The following RFX7 variants were observed in gnomAD, a reference collection of about 807,000 sequenced individuals.
RFX7 encodes regulatory factor X7, also known as DNA-binding protein RFX7.
Under a neutral mutation model 111.8 loss-of-function variants are expected in RFX7, and 26 were observed. The observed-to-expected ratio is 0.23, with a 90% CI of 0.17 to 0.32. RFX7 has a LOEUF of 0.32. Ranked by LOEUF, RFX7 falls within the 10% of genes least tolerant of loss-of-function variation. The pLI is 1.00. For synonymous variants in RFX7, 624 were observed against 624.4 expected (o/e 1.00, Z 0.01); for missense variants, 1,573 against 1,772.9 (o/e 0.89, Z 2.02).
In RFX7 at chr15:56,094,586, G is replaced by T. The variant is rs766416598; in HGVS notation, c.3142C>A (p.Pro1048Thr). 6.2e-7 allele frequency: 1 copy of T among 1,613,784 alleles called. No homozygotes were observed. The highest frequency in any genetic ancestry group is 1.3e-5 in the African/African-American group (1 of 74,892). The change falls in exon 10 of 10, where the codon CCG (proline) becomes ACG (threonine). Residue 1048 changes from proline (P) to threonine (T), a missense_variant. Around this residue, in one of 7 missense-constraint regions of RFX7, gnomAD observed 32 missense variants for 67.7 expected, o/e 0.47. Transcript: ENST00000559447. The part of the protein sequence containing the change: ...ASIVSSSPVK[P>T]MQRPMATHPD... ...TGTGTGGCCATGGGTCTTTGCATCG[G>T]TTTCACAGGACTACTTGAGACAATG...
chr15:56,193,935 A>G (rs567882282), intron 2 of RFX7, among the ~76,000 whole-genome samples: 3 of 152,218 alleles, frequency 2.0e-5, no homozygotes, highest in Admixed American at 1.3e-4. Flanking sequence ...TCACAAAGAA[A>G]TGTCACAAAA....
chr15:56,235,717 C>T (rs2043615797), intron 2 of RFX7, among the ~76,000 whole-genome samples: 2 of 152,128 alleles, frequency 1.3e-5, no homozygotes, highest in African/African-American at 4.8e-5. Flanking sequence ...ACTTCTTATT[C>T]CCATGCCCTT....
In RFX7 at chr15:56,107,679, C is replaced by G. The variant is rs555505472; in HGVS notation, c.402-4009G>C. ...TTAAACATATTTTATAGATGAGGAA[C>G]TTGCACAGAGAGGTGCACTAATCCC... On this transcript the variant is annotated intron_variant, in intron 5 of 9. Transcript: ENST00000559447. 2.0e-5 allele frequency among the ~76,000 whole-genome samples: 3 copies of G among 152,270 alleles called. No individual in the cohort carries two copies. In the East Asian group the frequency reaches 5.8e-4, roughly 29 times the overall value.
At chr15:56,199,473 G>T (rs1239843144) in intron 2 of RFX7, among the ~76,000 whole-genome samples, 1 of 152,126 alleles carries the variant, frequency 6.6e-6, no homozygotes, top group African/African-American at 2.4e-5. Context: ...TGAACAAATT[G>T]TGCTGCTCTC....
intron 2 of RFX7, among the ~76,000 whole-genome samples, chr15:56,230,695 G>A (rs763480397): frequency 6.6e-6 from 1 of 152,180 alleles, no homozygotes; most frequent in East Asian, 1.9e-4. Flanking sequence ...GTGATAAATT[G>A]TACAGAACTC....
At chr15:56,218,139 ATTTTCTTTTTT>A (rs2043382823) in intron 2 of RFX7, among the ~76,000 whole-genome samples, 1 of 51,944 alleles carries the variant, frequency 1.9e-5, no homozygotes, top group African/African-American at 9.0e-5. Context: ...TTTAGAAATG[ATTTTCTTTTTT>A]TTTTTTTTTT....
In RFX7 at chr15:56,132,653, A is replaced by C. The variant is rs900424609; in HGVS notation, c.401+10125T>G. ...TGGAGTTTTTTCTAAGCATAATAGT[A>C]ATGTTACAAGCTGTGACAAAAGTGT... On this transcript the variant is annotated intron_variant, in intron 5 of 9. Coordinates refer to ENST00000559447, the MANE Select transcript of RFX7 (RefSeq NM_022841.7). 6.6e-5 allele frequency among the ~76,000 whole-genome samples: 10 copies of C among 152,230 alleles called. No homozygotes were observed. The East Asian group carries it at 1.9e-3, about 29-fold the overall frequency.
At chr15:56,244,957 C>G (rs1174804465), upstream of RFX7, among the ~76,000 whole-genome samples, 4 of 152,202 alleles carry the variant, frequency 2.6e-5, no homozygotes, top group African/African-American at 9.6e-5. Flanking sequence ...GCCAAGGCCT[C>G]TGGCACCAAA....
At position 56,094,973 on chromosome 15, in the gene RFX7, C is replaced by A. The variant is rs775631642; in HGVS notation, c.2755G>T (p.Val919Leu). ...CLGMTLQSQSVTPGAPMSSHT... is the reference protein window; with the variant it reads ...CLGMTLQSQSLTPGAPMSSHT... ...GATGACATTGGAGCTCCTGGAGTTA[C>A]TGACTGACTCTGAAGGGTCATTCCC... The change falls in exon 10 of 10, where the codon GTA (valine) becomes TTA (leucine). Residue 919 changes from valine (V) to leucine (L), a missense_variant. Transcript: ENST00000559447. The A allele has an allele frequency of 1.4e-5, 23 of 1,607,828 alleles. No individual in the cohort carries two copies. The highest frequency in any genetic ancestry group is 1.9e-5 in the Non-Finnish European group (22 of 1,176,906).
In RFX7 at chr15:56,094,163, G is replaced by T. The variant is rs776089803; in HGVS notation, c.3565C>A (p.Pro1189Thr). 1 of 1,613,794 alleles carries T rather than the reference G, an allele frequency of 6.2e-7. No individual in the cohort carries two copies. Among genetic ancestry groups the T allele is most frequent in the Non-Finnish European group, 8.5e-7 (1 of 1,179,874 alleles). Residue 1189 changes from proline to threonine, a missense_variant, in exon 10 of 10, where the codon CCA becomes ACA. Pro to Thr is a conservative substitution (Grantham distance 38, BLOSUM62 -1). Transcript: ENST00000559447. The part of the protein sequence containing the change: ...GSTLYPVSNI[P>T]RSNVTPFGSP... Reference sequence around the variant, plus strand: ...CCAAAGGGGGTCACATTAGATCGTGGGATATTAGATACTGGATAGAGGGTG... The same window carrying T: ...CCAAAGGGGGTCACATTAGATCGTGTGATATTAGATACTGGATAGAGGGTG...
At chr15:56,205,578 C>T (rs1340354307) in intron 2 of RFX7, among the ~76,000 whole-genome samples, 1 of 152,176 alleles carries the variant, frequency 6.6e-6, no homozygotes, top group African/African-American at 2.4e-5. Context: ...GATGTTTTCA[C>T]TAGAGATTTC....
chr15:56,213,913 T>C (rs1394050055), intron 2 of RFX7, among the ~76,000 whole-genome samples: 1 of 152,240 alleles, frequency 6.6e-6, no homozygotes, highest in Non-Finnish European at 1.5e-5. Flanking sequence ...ACAATCTTTG[T>C]CACCTACAAT....
rs995166149 is a variant in RFX7, at chr15:56,090,162, A to C, written c.*3183T>G. ...AAATGTCTATACTGCTTTTGAACAC[A>C]GCTATGCTTAAAATTTTCTCATTTT... On this transcript the variant is annotated 3_prime_UTR_variant, in exon 10 of 10. Transcript: ENST00000559447. 6.6e-6 allele frequency: 1 copy of C among 152,218 alleles called. No individual in the cohort carries two copies. The highest frequency in any genetic ancestry group is 1.5e-5 in the Non-Finnish European group (1 of 68,024). 9.4% of individuals were successfully genotyped at this position (152,218 alleles called of 1,614,324 possible). A position where few individuals can be genotyped will look rare whatever the true frequency, so the allele number is the denominator to read the frequency against.
At chr15:56,125,602 T>TGTGTGA (rs1358572195) in intron 5 of RFX7, among the ~76,000 whole-genome samples, 7 of 89,312 alleles carry the variant, frequency 7.8e-5, no homozygotes, top group African/African-American at 2.9e-4. Context: ...GTTTCTTCTG[T>TGTGTGA]GTGTGTGAGT....
At position 56,089,454 on chromosome 15, in the gene RFX7, A is replaced by AAAGT. The variant is rs1215231525; in HGVS notation, c.*3887_*3890dup. 2.6e-5 allele frequency: 4 copies of AAAGT among 152,344 alleles called. No homozygotes were observed. The highest frequency in any genetic ancestry group is 5.9e-5 in the Non-Finnish European group (4 of 68,014). 9.4% of individuals were successfully genotyped at this position (152,344 alleles called of 1,614,324 possible). A position where few individuals can be genotyped will look rare whatever the true frequency, so the allele number is the denominator to read the frequency against. On this transcript the variant is annotated 3_prime_UTR_variant, in exon 10 of 10. Coordinates refer to ENST00000559447, the MANE Select transcript of RFX7 (RefSeq NM_022841.7). ...TCCTATCTCCACTATTATTAAGCTA[A>AAAGT]AAGTAAGTGTCCTTATGGTTTAAGC... is the stretch of plus-strand genomic sequence containing the variant.
intron 2 of RFX7, among the ~76,000 whole-genome samples, chr15:56,214,070 T>G (rs1012058197): frequency 1.5e-4 from 23 of 152,042 alleles, no homozygotes; most frequent in African/African-American, 5.3e-4. Flanking sequence ...CATGCATGAG[T>G]TTTTTTCTAG....
At chr15:56,142,431 T>C (rs1483626308) in intron 5 of RFX7, among the ~76,000 whole-genome samples, 2 of 152,154 alleles carry the variant, frequency 1.3e-5, no homozygotes, top group Non-Finnish European at 2.9e-5. Flanking sequence ...TATTGATTTA[T>C]TTATTGCCTT....
chr15:56,092,898 C>A lies in RFX7; in HGVS notation c.*447G>T, dbSNP rs1465327198. 1 of 156,038 alleles carries A rather than the reference C, an allele frequency of 6.4e-6. No homozygotes were observed. The highest frequency in any genetic ancestry group is 1.9e-4 in the East Asian group (1 of 5,294). The allele number at this position is 156,038 out of a possible 1,614,324, so 9.7% of individuals were successfully genotyped here. ...ATATTTATAATAACCTGAATATTAT[C>A]CCTGTTTCAAGGAAGACTTTCTTGT... On this transcript the variant is annotated 3_prime_UTR_variant, in exon 10 of 10. Transcript: ENST00000559447.
intron 2 of RFX7, among the ~76,000 whole-genome samples, chr15:56,229,956 T>C (rs1596024783): frequency 6.6e-6 from 1 of 152,048 alleles, no homozygotes; most frequent in African/African-American, 2.4e-5. Flanking sequence ...ATTTCTTCCA[T>C]ACTTCCCAAA....
Sources: gnomAD v4.1 joint callset for allele counts (sites outside exome capture counted in the v4.1 genomes callset) on GRCh38, gnomAD v4.1.1 for gene constraint, gnomAD v4.1.1 regional missense constraint, MANE v1.5 for transcripts, NCBI Gene and HGNC (gene_info 2026-07-23, HGNC 2026-07-21) for gene names.